Variants in KCNQ1OT1 observed in about 807,000 individuals in gnomAD.
KCNQ1OT1 encodes the protein KCNQ1 antisense RNA 2 (non-protein coding).
chr11:2,628,494 T>G (rs778786210), exon 1 of KCNQ1OT1: 29 of 398,338 alleles, frequency 7.3e-5, no homozygotes, highest in Non-Finnish European at 1.1e-4. Flanking sequence ...ATTGGGTTAT[T>G]AAGTTTTTTT....
In KCNQ1OT1 at chr11:2,691,709, G is replaced by C; in HGVS notation, n.8286C>G. Reference sequence around the variant, plus strand: ...GGGGTCTCTCCCCATCTGTCCAGGGGAGAGGCAGCCCACAGGGAGCCACAC... The same window carrying C: ...GGGGTCTCTCCCCATCTGTCCAGGGCAGAGGCAGCCCACAGGGAGCCACAC... On this transcript the variant is annotated non_coding_transcript_exon_variant, in exon 1 of 1. Coordinates refer to ENST00000597346, the Ensembl canonical transcript of KCNQ1OT1. This position sits in a 1 kb window ranked among gnomAD's most constrained non-coding sequence, Gnocchi z 6.4. 1 of 398,584 alleles carries C rather than the reference G, an allele frequency of 2.5e-6. No individual in the cohort carries two copies. Among genetic ancestry groups the C allele is most frequent in the Non-Finnish European group, 4.4e-6 (1 of 226,104 alleles). The allele number at this position is 398,584 out of a possible 1,614,324, so 24.7% of individuals were successfully genotyped here.
chr11:2,648,977 T>C (rs926788103), exon 1 of KCNQ1OT1: 7 of 369,158 alleles, frequency 1.9e-5, no homozygotes, highest in African/African-American at 1.5e-4. Context: ...TCTTTTTTCT[T>C]TTTCTTTTTT....
rs570420688 is a variant in KCNQ1OT1 at position 2,669,530 on chromosome 11, A to G, written n.30465T>C. ...CTAATGGTTTGATGTATGTTCGCTG[A>G]ATCCAGGGACAAGGTCTGTCAGGGA... On this transcript the variant is annotated non_coding_transcript_exon_variant, in exon 1 of 1. Transcript: ENST00000597346. The surrounding 1 kb of genome is among the most constrained non-coding windows in gnomAD (Gnocchi z 5.6). The G allele has an allele frequency of 2.5e-4, 101 of 398,640 alleles. No homozygotes were observed. The South Asian group carries it at 8.3e-3, about 33-fold the overall frequency. The allele number at this position is 398,640 out of a possible 1,614,324, so 24.7% of individuals were successfully genotyped here. A position where few individuals can be genotyped will look rare whatever the true frequency, so the allele number is the denominator to read the frequency against.
chr11:2,649,478 TG>T (rs1849724930), exon 1 of KCNQ1OT1: 1 of 398,456 alleles, frequency 2.5e-6, no homozygotes, highest in African/African-American at 2.1e-5. Flanking sequence ...TTAGTAGTAA[TG>T]AATTCCCTCA....
chr11:2,638,133 A>G (rs569299232), exon 1 of KCNQ1OT1: 128 of 152,164 alleles, frequency 8.4e-4, no homozygotes, highest in African/African-American at 2.8e-3. Context: ...TCTTTATCCA[A>G]TTTGCCAGTC....
chr11:2,614,773 C>A (rs574270548), exon 1 of KCNQ1OT1: 1 of 398,388 alleles, frequency 2.5e-6, no homozygotes, highest in African/African-American at 2.1e-5. Context: ...TGTGTCAGTA[C>A]CACATTGTTT....
exon 1 of KCNQ1OT1, chr11:2,696,316 T>C (rs1850675541): frequency 2.5e-6 from 1 of 398,658 alleles, no homozygotes; most frequent in Non-Finnish European, 4.4e-6. Flanking sequence ...CATATTCCTA[T>C]TCCTCCATTT....
chr11:2,641,043 AT>A, exon 1 of KCNQ1OT1: 1 of 398,218 alleles, frequency 2.5e-6, no homozygotes. Flanking sequence ...TATTTACCTC[AT>A]TTTCTTTTTC....
In KCNQ1OT1 at chr11:2,665,210, C is replaced by G. The variant is rs1850044192; in HGVS notation, n.34785G>C. ...CTCGAACACACCTTTCAGGCAGAAG[C>G]TGTCTTCCTAGGTTGAATGGGGCAC... On this transcript the variant is annotated non_coding_transcript_exon_variant, in exon 1 of 1. Transcript: ENST00000597346. 1.0e-5 allele frequency: 4 copies of G among 398,544 alleles called. No individual in the cohort carries two copies. In the South Asian group the frequency reaches 5.1e-4, roughly 51 times the overall value. 24.7% of individuals were successfully genotyped at this position (398,544 alleles called of 1,614,324 possible).
At chr11:2,684,280 G>A in exon 1 of KCNQ1OT1, 1 of 398,568 alleles carries the variant, frequency 2.5e-6, no homozygotes, top group Non-Finnish European at 4.4e-6. Context: ...GAGTTGGTTA[G>A]GCTGGAGCAT....
exon 1 of KCNQ1OT1, chr11:2,686,398 G>T: frequency 2.5e-6 from 1 of 398,644 alleles, no homozygotes; most frequent in South Asian, 1.3e-4. Context: ...CCCAACCCCT[G>T]ACTAGGATAT....
rs1590029661 is a variant in KCNQ1OT1 at position 2,683,041 on chromosome 11, C to T, written n.16954G>A. ...CCTCCTGAGAGAGGTGACCTTCTCC[C>T]ACTTCTTACAGGCAAGGCTCTTGCT... On this transcript the variant is annotated non_coding_transcript_exon_variant, in exon 1 of 1. Transcript: ENST00000597346. This position sits in a 1 kb window ranked among gnomAD's most constrained non-coding sequence, Gnocchi z 4.7. 2.5e-6 allele frequency: 1 copy of T among 398,672 alleles called. No homozygotes were observed. The highest frequency in any genetic ancestry group is 4.4e-6 in the Non-Finnish European group (1 of 226,120). 24.7% of individuals were successfully genotyped at this position (398,672 alleles called of 1,614,324 possible). A position where few individuals can be genotyped will look rare whatever the true frequency, so the allele number is the denominator to read the frequency against.
Position 2,661,627 on chromosome 11 carries a change from C to T in KCNQ1OT1, n.38368G>A. 2 of 589,850 alleles carry T rather than the reference C, an allele frequency of 3.4e-6. No homozygotes were observed. The highest frequency in any genetic ancestry group is 6.0e-6 in the Non-Finnish European group (2 of 331,150). 36.5% of individuals were successfully genotyped at this position (589,850 alleles called of 1,614,324 possible). On this transcript the variant is annotated non_coding_transcript_exon_variant, in exon 1 of 1. Transcript: ENST00000597346. This position sits in a 1 kb window ranked among gnomAD's most constrained non-coding sequence, Gnocchi z 5.9. ...CTGTGCCTGTCACCTCTGTTTTATTCTTGACCCAAGTGTCAGTTGTGAACA... is the reference window on the plus strand; with the variant it reads ...CTGTGCCTGTCACCTCTGTTTTATTTTTGACCCAAGTGTCAGTTGTGAACA...
chr11:2,660,635 A>G, exon 1 of KCNQ1OT1: 1 of 398,662 alleles, frequency 2.5e-6, no homozygotes, highest in Non-Finnish European at 4.4e-6. Context: ...TATTCAACAC[A>G]GATGGAAATA....
exon 1 of KCNQ1OT1, chr11:2,689,095 T>TA (rs1404082239): frequency 2.5e-6 from 1 of 398,610 alleles, no homozygotes; most frequent in African/African-American, 2.1e-5. Context: ...GGAAGTTGGG[T>TA]AGTCTGGCCC....
At chr11:2,693,221 C>T in exon 1 of KCNQ1OT1, 1 of 398,738 alleles carries the variant, frequency 2.5e-6, no homozygotes, top group Non-Finnish European at 4.4e-6. Context: ...TCTGAGAGGA[C>T]CACAAGTCAT....
rs976611480 is a variant in KCNQ1OT1, at chr11:2,613,242, A to G, written n.86753T>C. On this transcript the variant is annotated non_coding_transcript_exon_variant, in exon 1 of 1. Transcript: ENST00000597346. The surrounding 1 kb of genome is among the most constrained non-coding windows in gnomAD (Gnocchi z 4.8). ...CAAAAGGTCTCACAGTCAGCCAAGG[A>G]TAAGTAGATAGCAGGAAACCTCTCT... 2 of 398,450 alleles carry G rather than the reference A, an allele frequency of 5.0e-6. No individual in the cohort carries two copies. Among genetic ancestry groups the G allele is most frequent in the Non-Finnish European group, 8.8e-6 (2 of 226,072 alleles). 24.7% of individuals were successfully genotyped at this position (398,450 alleles called of 1,614,324 possible).
rs985491089 is a variant in KCNQ1OT1 at position 2,639,388 on chromosome 11, T to G, written n.60607A>C. On this transcript the variant is annotated non_coding_transcript_exon_variant, in exon 1 of 1. Transcript: ENST00000597346. ...ATGATGGTGACGTATAGATGGAGTT[T>G]TGGTGTGGATGTCCTTTCTGTTTGT... 6.0e-4 allele frequency: 92 copies of G among 152,268 alleles called. 6 individuals carry two copies. The highest frequency in any genetic ancestry group is 2.9e-5 in the Non-Finnish European group (2 of 68,058). The allele number at this position is 152,268 out of a possible 1,614,324, so 9.4% of individuals were successfully genotyped here.
At position 2,668,265 on chromosome 11, in the gene KCNQ1OT1, A is replaced by G; in HGVS notation, n.31730T>C. On this transcript the variant is annotated non_coding_transcript_exon_variant, in exon 1 of 1. Coordinates refer to ENST00000597346, the Ensembl canonical transcript of KCNQ1OT1. This position sits in a 1 kb window ranked among gnomAD's most constrained non-coding sequence, Gnocchi z 4.3. ...TTTCTGGTGTAGGTTGCTGTTTAAGAATATTCTGTACATGCTTTTGGTGAG... is the reference window on the plus strand; with the variant it reads ...TTTCTGGTGTAGGTTGCTGTTTAAGGATATTCTGTACATGCTTTTGGTGAG... The G allele has an allele frequency of 2.5e-6, 1 of 398,606 alleles. No homozygotes were observed. The highest frequency in any genetic ancestry group is 4.4e-6 in the Non-Finnish European group (1 of 226,106). The allele number at this position is 398,606 out of a possible 1,614,324, so 24.7% of individuals were successfully genotyped here.
Sources: allele counts gnomAD v4.1 joint callset, GRCh38; gene constraint gnomAD v4.1.1; non-coding constraint Gnocchi (gnomAD v3.1); transcripts MANE v1.5; gene names NCBI Gene and HGNC (gene_info 2026-07-23, HGNC 2026-07-21).